Variants in CPSF7 observed in about 807,000 individuals in gnomAD.
CPSF7 encodes cleavage and polyadenylation specific factor 7.
CPSF7 carries 1 observed loss-of-function variant against 44.3 expected under a neutral mutation model. The ratio of observed to expected loss-of-function variants is 0.02; its 90% CI spans 0.01 to 0.11. CPSF7 has a LOEUF of 0.11. Among genes scored for constraint, CPSF7 ranks in the 10% least tolerant of loss-of-function variants. The pLI is 1.00. For synonymous variants in CPSF7, 202 were observed against 222.0 expected, an observed-to-expected ratio of 0.91 and a Z score of 0.80; for missense variants, 443 against 607.2, an observed-to-expected ratio of 0.73 and a Z score of 2.84.
At chr11:61,407,583 A>T (rs1859437791) in intron 9 of CPSF7, among the ~76,000 whole-genome samples, 1 of 152,240 alleles carries the variant, frequency 6.6e-6, no homozygotes, top group African/African-American at 2.4e-5. Flanking sequence ...AAGTACCTGG[A>T]GCCCACAGCC....
intron 2 of CPSF7, chr11:61,427,381 GCA>G (rs1861470118): frequency 6.6e-6 from 1 of 151,982 alleles, no homozygotes; most frequent in South Asian, 2.1e-4. Flanking sequence ...TTTTCGCCAT[GCA>G]CGGTGGCTCA....
At position 61,421,471 on chromosome 11, in the gene CPSF7, G is replaced by T. The variant is rs542951940; in HGVS notation, c.192C>A (p.Asn64Lys). 1.2e-6 allele frequency: 2 copies of T among 1,614,174 alleles called. No individual in the cohort carries two copies. Among genetic ancestry groups the T allele is most frequent in the African/African-American group, 2.7e-5 (2 of 75,042 alleles). The stretch of plus-strand genomic sequence containing the variant: ...TATACAGAATTGCAGGGGTCTTGTT[G>T]TTGGGCTTGGGAGATGGCTCCTGGC... Reference protein sequence around the residue: ...PVRQEPSPKPNNKTPAILYTY... With the variant: ...PVRQEPSPKPKNKTPAILYTY... The change falls in exon 3 of 10, where the codon AAC becomes AAA. Residue 64 changes from asparagine (N) to lysine (K), a missense_variant. By Grantham distance (94) the Asn-to-Lys change is moderately conservative. Coordinates refer to ENST00000439958, the MANE Select transcript of CPSF7 (RefSeq NM_001142565.3).
intron 2 of CPSF7, among the ~76,000 whole-genome samples, chr11:61,428,580 T>C (rs1861626648): frequency 6.6e-6 from 1 of 152,242 alleles, no homozygotes; most frequent in Admixed American, 6.5e-5. Flanking sequence ...CTAACTGGTT[T>C]GTCTAACGTC....
At chr11:61,422,897 C>G (rs1300990511) in intron 2 of CPSF7, among the ~76,000 whole-genome samples, 1 of 151,908 alleles carries the variant, frequency 6.6e-6, no homozygotes, top group Non-Finnish European at 1.5e-5. Context: ...CTTTAGGACG[C>G]AGAGATAGGC....
Position 61,416,351 on chromosome 11 carries a change from G to A in CPSF7, c.692C>T (p.Pro231Leu). 6.3e-7 allele frequency: 1 copy of A among 1,594,336 alleles called. No homozygotes were observed. Among genetic ancestry groups the A allele is most frequent in the Non-Finnish European group, 8.6e-7 (1 of 1,168,280 alleles). ...GAGAGGTGGTGGGGGTGGAATTGGT[G>A]GTGGGGGCAGACCCATCAGGGGAAG... ...SALPLMGLPP[P>L]PIPPPPPLSS... The change falls in exon 6 of 10, where the codon CCA (proline) becomes CTA (leucine). Residue 231 changes from proline to leucine, a missense_variant. Pro to Leu is a moderately conservative substitution (Grantham distance 98). Coordinates refer to ENST00000439958, the MANE Select transcript of CPSF7 (RefSeq NM_001142565.3).
intron 5 of CPSF7, among the ~76,000 whole-genome samples, chr11:61,418,854 G>C (rs1222271000): frequency 6.6e-6 from 1 of 151,980 alleles, no homozygotes; most frequent in Admixed American, 6.6e-5. Context: ...GAGTAGCTGA[G>C]ATTATAAGCA....
chr11:61,421,755 A>T, intron 2 of CPSF7, 147 bp from the exon 3 acceptor site: 2 of 597,642 alleles, frequency 3.3e-6, no homozygotes, highest in South Asian at 2.3e-5. Flanking sequence ...AGTAAGAAAA[A>T]CCTCCTTTTG....
intron 8 of CPSF7, 128 bp downstream of exon 8, chr11:61,411,641 A>T: frequency 1.4e-6 from 1 of 732,852 alleles, no homozygotes; most frequent in Non-Finnish European, 2.2e-6. Context: ...CCAAAAAGAC[A>T]TGAAGGCTAA....
chr11:61,429,479 C>A, intron 1 of CPSF7, 189 bp from the exon 2 acceptor site: 1 of 526,572 alleles, frequency 1.9e-6, no homozygotes, highest in South Asian at 2.7e-5. Context: ...GGGTCGCTGC[C>A]CATCACCCTC....
chr11:61,426,235 C>G (rs578142200), intron 2 of CPSF7, among the ~76,000 whole-genome samples: 1 of 152,344 alleles, frequency 6.6e-6, no homozygotes, highest in Non-Finnish European at 1.5e-5. Context: ...GGGGCGAAAT[C>G]AGTAACATTC....
At position 61,410,814 on chromosome 11, in the gene CPSF7, G is replaced by A. The variant is rs529574178; in HGVS notation, c.*5+124C>T. 1.0e-4 allele frequency: 101 copies of A among 994,764 alleles called. No individual in the cohort carries two copies. In the African/African-American group the frequency reaches 1.5e-3, roughly 15 times the overall value. 61.6% of individuals were successfully genotyped at this position (994,764 alleles called of 1,614,324 possible). On this transcript the variant is annotated intron_variant, in intron 9 of 9. Coordinates refer to ENST00000439958, the MANE Select transcript of CPSF7 (RefSeq NM_001142565.3). ...AAATCTGCCCTGAAATTCCAGTTATGTAAATCAGAAGTTCCCCCTACCCTT... is the reference window on the plus strand; with the variant it reads ...AAATCTGCCCTGAAATTCCAGTTATATAAATCAGAAGTTCCCCCTACCCTT...
At chr11:61,417,274 CT>C (rs887017114) in intron 5 of CPSF7, among the ~76,000 whole-genome samples, 1 of 152,244 alleles carries the variant, frequency 6.6e-6, no homozygotes, top group African/African-American at 2.4e-5. Context: ...GGCCAAAATC[CT>C]CTACCCTTCA....
intron 2 of CPSF7, among the ~76,000 whole-genome samples, chr11:61,424,333 C>T (rs879834631): frequency 5.3e-5 from 8 of 152,206 alleles, no homozygotes; most frequent in Admixed American, 1.3e-4. Flanking sequence ...ACAAATCACT[C>T]TTCTATTCAT....
At position 61,420,079 on chromosome 11, in the gene CPSF7, C is replaced by A; in HGVS notation, c.393G>T (p.Val131=). 1 of 1,613,682 alleles carries A rather than the reference C, an allele frequency of 6.2e-7. No homozygotes were observed. The highest frequency in any genetic ancestry group is 8.5e-7 in the Non-Finnish European group (1 of 1,179,652). The change falls in exon 5 of 10, where the codon GTG becomes GTT. Residue 131 remains valine, a synonymous_variant. Coordinates refer to ENST00000439958, the MANE Select transcript of CPSF7 (RefSeq NM_001142565.3). Reference sequence around the variant, plus strand: ...TGTGGACAGAGTTTTCAGAGGCTACCACCACCTCAGCATACCTTAGGAAAG... The same window carrying A: ...TGTGGACAGAGTTTTCAGAGGCTACAACCACCTCAGCATACCTTAGGAAAG... ...NGQSKGYAEV[V]VASENSVHKL...
At position 61,403,504 on chromosome 11, in the gene CPSF7, C is replaced by A. The variant is rs555235891; in HGVS notation, c.*1206G>T. ...AACTCTGAGCTGAGTTCATTCAAGTCGGGCTCTGTTTCTTCTGGCTCCTCA... is the reference window on the plus strand; with the variant it reads ...AACTCTGAGCTGAGTTCATTCAAGTAGGGCTCTGTTTCTTCTGGCTCCTCA... On this transcript the variant is annotated 3_prime_UTR_variant, in exon 10 of 10. Transcript: ENST00000439958. 2 of 152,138 alleles carry A rather than the reference C, an allele frequency of 1.3e-5. No homozygotes were observed. The highest frequency in any genetic ancestry group is 1.5e-5 in the Non-Finnish European group (1 of 68,028). 9.4% of individuals were successfully genotyped at this position (152,138 alleles called of 1,614,324 possible). A position where few individuals can be genotyped will look rare whatever the true frequency, so the allele number is the denominator to read the frequency against.
At chr11:61,408,057 C>CTT (rs111594039) in intron 9 of CPSF7, among the ~76,000 whole-genome samples, 3,646 of 137,722 alleles carry the variant, frequency 0.026, 214 homozygotes, top group African/African-American at 0.095. Flanking sequence ...TCAAGGACAT[C>CTT]TTTTTTTTTT....
Position 61,429,682 on chromosome 11 carries a change from T to G in CPSF7, c.-56+232A>C, listed in dbSNP as rs1268199615. Reference sequence around the variant, plus strand: ...CCAGAGCCCCCAGGTGTCAAGCAGCTCCAGCCGCCTCTGCCCCCAACCCAG... The same window carrying G: ...CCAGAGCCCCCAGGTGTCAAGCAGCGCCAGCCGCCTCTGCCCCCAACCCAG... On this transcript the variant is annotated intron_variant, in intron 1 of 9. Transcript: ENST00000439958. 2.7e-6 allele frequency: 4 copies of G among 1,483,098 alleles called. No individual in the cohort carries two copies. In the African/African-American group the frequency reaches 5.7e-5, roughly 21 times the overall value. The allele number at this position is 1,483,098 out of a possible 1,614,324, so 91.9% of individuals were successfully genotyped here.
rs200582821 is a variant in CPSF7, at chr11:61,419,898, C to T, written c.523+51G>A. On this transcript the variant is annotated intron_variant, in intron 5 of 9. Transcript: ENST00000439958. Reference sequence around the variant, plus strand: ...AAAACAAACCCACAAACACCCCCCCCTCATACAGATGGTCTCCACGTACCC... The same window carrying T: ...AAAACAAACCCACAAACACCCCCCCTTCATACAGATGGTCTCCACGTACCC... 3,489 of 1,600,410 alleles carry T rather than the reference C, an allele frequency of 2.2e-3. 6 individuals are homozygous for T. Among genetic ancestry groups the T allele is most frequent in the Non-Finnish European group, 2.7e-3 (3,153 of 1,172,388 alleles).
chr11:61,419,850 T>A (rs1860700856), intron 5 of CPSF7, 99 bp downstream of exon 5: 1 of 1,472,646 alleles, frequency 6.8e-7, no homozygotes, highest in Admixed American at 2.1e-5. Context: ...TCACCCACAC[T>A]GTAGGCTAAG....
Sources: gnomAD v4.1 joint callset for allele counts (sites outside exome capture counted in the v4.1 genomes callset) on GRCh38, gnomAD v4.1.1 for gene constraint, MANE v1.5 for transcripts, NCBI Gene and HGNC (gene_info 2026-07-23, HGNC 2026-07-21) for gene names.